Variants in PPFIA4 observed in about 807,000 individuals in gnomAD.
PPFIA4 encodes the protein PPFI scaffold protein A4, also known as liprin-alpha-4.
Under a neutral mutation model 145.7 loss-of-function variants are expected in PPFIA4, and 98 were observed. The ratio of observed to expected loss-of-function variants is 0.67; its 90% CI spans 0.57 to 0.80. The LOEUF (loss-of-function observed/expected upper bound fraction) is 0.80, where lower values mean the gene tolerates loss of function less well. Ranked by LOEUF, PPFIA4 falls within the 30% of genes least tolerant of loss-of-function variation. The pLI is 0.00. For missense variants in PPFIA4, 1,457 were observed against 1,632.7 expected (o/e 0.89, Z 1.85); for synonymous variants, 628 against 649.6 (o/e 0.97, Z 0.51).
At chr1:203,061,510 T>C in intron 23 of PPFIA4, 142 bp from the exon 24 acceptor site, 5 of 834,634 alleles carry the variant, frequency 6.0e-6, no homozygotes, top group Non-Finnish European at 9.1e-6. Flanking sequence ...TGTTCTCTCT[T>C]AACCATCCTG....
At chr1:203,061,436 G>C in intron 23 of PPFIA4, 1 of 531,242 alleles carries the variant, frequency 1.9e-6, no homozygotes, top group Non-Finnish European at 3.3e-6. Context: ...TGGGAGGTGT[G>C]TGTTTTTGCC....
At chr1:203,064,809 C>G (rs899374317) in intron 25 of PPFIA4, among the ~76,000 whole-genome samples, 3 of 152,348 alleles carry the variant, frequency 2.0e-5, no homozygotes, top group East Asian at 1.9e-4. Flanking sequence ...TCCCAGCCCC[C>G]CAGCCTGCTT....
Position 203,075,580 on chromosome 1 carries a change from G to C in PPFIA4, c.3397G>C (p.Asp1133His). Reference sequence around the variant, plus strand: ...TCTGGTGTCCCCCATGGTGCAGGGGGATGACAAGGTGTTTCGCCGCGCGCC... The same window carrying C: ...TCTGGTGTCCCCCATGGTGCAGGGGCATGACAAGGTGTTTCGCCGCGCGCC... ...LGTDRKLDDG[D>H]DKVFRRAPSW... The change falls in exon 29 of 30, where the codon GAT (aspartate) becomes CAT (histidine). Residue 1133 changes from aspartate (D) to histidine (H), a missense_variant. Around this residue, in one of 3 missense-constraint regions of PPFIA4, gnomAD observed 146 missense variants for 126.2 expected, o/e 1.16. Coordinates refer to ENST00000295706, the MANE Select transcript of PPFIA4 (RefSeq NM_001304331.2). This position sits in a 1 kb window ranked among gnomAD's most constrained non-coding sequence, Gnocchi z 4.1. 1 of 1,457,522 alleles carries C rather than the reference G, an allele frequency of 6.9e-7. No individual in the cohort carries two copies. Among genetic ancestry groups the C allele is most frequent in the Non-Finnish European group, 9.1e-7 (1 of 1,102,240 alleles). 90.3% of individuals were successfully genotyped at this position (1,457,522 alleles called of 1,614,324 possible). A position where few individuals can be genotyped will look rare whatever the true frequency, so the allele number is the denominator to read the frequency against.
chr1:203,076,611 T>C lies in PPFIA4; in HGVS notation c.*221T>C. On this transcript the variant is annotated 3_prime_UTR_variant, in exon 30 of 30. Transcript: ENST00000295706. ...TCCGGTGGATGTGGCTGGGGTTTCC[T>C]GGTATTGTGGAGGCACCCAGGTTGT... 1.7e-6 allele frequency: 1 copy of C among 582,822 alleles called. No individual in the cohort carries two copies. Among genetic ancestry groups the C allele is most frequent in the African/African-American group, 1.9e-5 (1 of 53,468 alleles). 36.1% of individuals were successfully genotyped at this position (582,822 alleles called of 1,614,324 possible). A position where few individuals can be genotyped will look rare whatever the true frequency, so the allele number is the denominator to read the frequency against.
chr1:203,037,887 G>C (rs995388073), intron 1 of PPFIA4, among the ~76,000 whole-genome samples: 1 of 152,190 alleles, frequency 6.6e-6, no homozygotes. Context: ...AAGGTAGGAG[G>C]CTGTGAACTC....
chr1:203,027,975 A>C (rs915077879), intron 1 of PPFIA4, among the ~76,000 whole-genome samples: 3 of 152,238 alleles, frequency 2.0e-5, no homozygotes, highest in Non-Finnish European at 4.4e-5. Context: ...CCTAAGCAAA[A>C]GGGCAGCTTG....
chr1:203,048,246 A>G lies in PPFIA4; in HGVS notation c.1160A>G (p.Asn387Ser). 1 of 1,612,836 alleles carries G rather than the reference A, an allele frequency of 6.2e-7. No homozygotes were observed. The highest frequency in any genetic ancestry group is 8.5e-7 in the Non-Finnish European group (1 of 1,179,854). The change falls in exon 10 of 30, where the codon AAC (asparagine) becomes AGC (serine). Residue 387 changes from asparagine to serine, a missense_variant. Physicochemically the swap from Asn to Ser is conservative, Grantham distance 46. This residue lies in a region of PPFIA4 where 848 missense variants were observed against 1,046.7 expected (regional missense o/e 0.81). Transcript: ENST00000295706. The surrounding 1 kb of genome is among the most constrained non-coding windows in gnomAD (Gnocchi z 5.8). Reference sequence around the variant, plus strand: ...CCCTAGGCTGAAGAACGGCATGGCAACATTGAGGAGCACCTGCGGCAGCTG... The same window carrying G: ...CCCTAGGCTGAAGAACGGCATGGCAGCATTGAGGAGCACCTGCGGCAGCTG... ...ALTKAEERHG[N>S]IEEHLRQLEG...
Position 203,068,502 on chromosome 1 carries a change from T to C in PPFIA4, c.3198T>C (p.Ile1066=), listed in dbSNP as rs765493892. 5.6e-6 allele frequency: 9 copies of C among 1,609,498 alleles called. No individual in the cohort carries two copies. The highest frequency in any genetic ancestry group is 7.6e-6 in the Non-Finnish European group (9 of 1,178,010). ...NDQVVHWVQS[I]GLRDYAGNLH... The stretch of plus-strand genomic sequence containing the variant: ...AGGTGGTTCATTGGGTCCAGTCTAT[T>C]GGGCTCCGGGACTACGCAGGAAACC... The change falls in exon 27 of 30, where the codon ATT becomes ATC. Residue 1066 remains isoleucine (I), a synonymous_variant. Transcript: ENST00000295706. This position sits in a 1 kb window ranked among gnomAD's most constrained non-coding sequence, Gnocchi z 4.7.
chr1:203,058,651 G>T (rs1291179462), intron 19 of PPFIA4, among the ~76,000 whole-genome samples: 4 of 152,152 alleles, frequency 2.6e-5, no homozygotes, highest in Non-Finnish European at 5.9e-5. Context: ...AATTCTGAAG[G>T]GTTCTAGCAT....
chr1:203,053,906 C>A lies in PPFIA4; in HGVS notation c.1774C>A (p.Gln592Lys). Reference sequence around the variant, plus strand: ...CTCCCCCAGCGGCCACTCAGATGCCCAGACCCTGGCCATGATGCTGCAGGA... The same window carrying A: ...CTCCCCCAGCGGCCACTCAGATGCCAAGACCCTGGCCATGATGCTGCAGGA... ...VVSPSGHSDA[Q>K]TLAMMLQEQL... Residue 592 changes from glutamine to lysine, a missense_variant, in exon 15 of 30, where the codon CAG (glutamine) becomes AAG (lysine). Transcript: ENST00000295706. The A allele has an allele frequency of 6.4e-7, 1 of 1,566,948 alleles. No homozygotes were observed. Among genetic ancestry groups the A allele is most frequent in the East Asian group, 2.4e-5 (1 of 42,142 alleles).
At chr1:203,027,553 G>A (rs1257715340) in intron 1 of PPFIA4, among the ~76,000 whole-genome samples, 1 of 152,170 alleles carries the variant, frequency 6.6e-6, no homozygotes, top group East Asian at 1.9e-4. Context: ...AGGAGGCGCT[G>A]CTTCGCAGGG....
intron 1 of PPFIA4, among the ~76,000 whole-genome samples, chr1:203,032,001 G>T (rs1201626961): frequency 3.3e-5 from 5 of 151,330 alleles, no homozygotes; most frequent in African/African-American, 1.2e-4. Context: ...CATTCCCAGG[G>T]TTGTCACTGT....
Position 203,043,517 on chromosome 1 carries a change from G to A in PPFIA4, c.336+19G>A, listed in dbSNP as rs1248931782. ...CACACGGGTAAGTGGGGATGACCTT[G>A]TGTCGCGCGCGCGCACGTGTGTGTG... On this transcript the variant is annotated intron_variant, in intron 3 of 29. Coordinates refer to ENST00000295706, the MANE Select transcript of PPFIA4 (RefSeq NM_001304331.2). The surrounding 1 kb of genome is among the most constrained non-coding windows in gnomAD (Gnocchi z 4.4). The A allele has an allele frequency of 6.3e-7, 1 of 1,593,972 alleles. No individual in the cohort carries two copies. The highest frequency in any genetic ancestry group is 8.6e-7 in the Non-Finnish European group (1 of 1,169,388).
In PPFIA4 at chr1:203,043,895, G is replaced by A. The variant is rs755674408; in HGVS notation, c.337-36G>A. The A allele has an allele frequency of 2.7e-5, 42 of 1,557,740 alleles. No individual in the cohort carries two copies. The highest frequency in any genetic ancestry group is 3.7e-5 in the Non-Finnish European group (42 of 1,150,354). On this transcript the variant is annotated intron_variant, in intron 3 of 29. Transcript: ENST00000295706. The surrounding 1 kb of genome is among the most constrained non-coding windows in gnomAD (Gnocchi z 4.4). The stretch of plus-strand genomic sequence containing the variant: ...GTAGCCCCTGGGGCACATGCTTACA[G>A]CCCTCCCTCTCACCCTCCCCTGCTC...
chr1:203,060,278 C>T lies in PPFIA4; in HGVS notation c.2645C>T (p.Ala882Val), dbSNP rs1661270688. Residue 882 changes from alanine (A) to valine (V), a missense_variant, in exon 22 of 30, where the codon GCC becomes GTC. Ala to Val is a moderately conservative substitution (Grantham distance 64, BLOSUM62 0). Transcript: ENST00000295706. This position sits in a 1 kb window ranked among gnomAD's most constrained non-coding sequence, Gnocchi z 4.8. Reference sequence around the variant, plus strand: ...TGCCGGGCCAACGTCAAGAGTGGTGCCATCATGTCCGCTCTGTCGGACACA... The same window carrying T: ...TGCCGGGCCAACGTCAAGAGTGGTGTCATCATGTCCGCTCTGTCGGACACA... Reference protein sequence around the residue: ...AACRANVKSGAIMSALSDTEI... With the variant: ...AACRANVKSGVIMSALSDTEI... The T allele has an allele frequency of 3.1e-6, 5 of 1,614,002 alleles. No individual in the cohort carries two copies. Among genetic ancestry groups the T allele is most frequent in the African/African-American group, 1.3e-5 (1 of 74,942 alleles).
intron 1 of PPFIA4, chr1:203,037,216 G>T: frequency 2.8e-6 from 1 of 354,112 alleles, no homozygotes; most frequent in Non-Finnish European, 5.9e-6. Flanking sequence ...GGAGAGGCCC[G>T]GCCCTTCTCT....
intron 1 of PPFIA4, chr1:203,035,519 A>T (rs1320163331): frequency 1.3e-5 from 6 of 455,536 alleles, no homozygotes; most frequent in African/African-American, 1.2e-4. Context: ...ACGCACACTC[A>T]CACCCACTCA....
chr1:203,038,291 G>C (rs1368847292), intron 1 of PPFIA4, among the ~76,000 whole-genome samples: 1 of 152,144 alleles, frequency 6.6e-6, no homozygotes, highest in African/African-American at 2.4e-5. Flanking sequence ...CATCCTGCCG[G>C]CTGCTCCCCT....
At position 203,053,967 on chromosome 1, in the gene PPFIA4, G is replaced by T; in HGVS notation, c.1829+6G>T. Reference sequence around the variant, plus strand: ...GCCATCAATGAGGAAATCAGGTTAGGGCAGGGCTGGAGGGCTTGGGAAGTG... The same window carrying T: ...GCCATCAATGAGGAAATCAGGTTAGTGCAGGGCTGGAGGGCTTGGGAAGTG... On this transcript the variant is annotated splice_donor_region_variant and intron_variant, in intron 15 of 29. Transcript: ENST00000295706. 1 of 1,558,634 alleles carries T rather than the reference G, an allele frequency of 6.4e-7. No homozygotes were observed.
Sources: allele counts gnomAD v4.1 joint callset (sites outside exome capture counted in the v4.1 genomes callset), GRCh38; gene constraint gnomAD v4.1.1; regional missense constraint gnomAD v4.1.1; non-coding constraint Gnocchi (gnomAD v3.1); transcripts MANE v1.5; gene names NCBI Gene and HGNC (gene_info 2026-07-23, HGNC 2026-07-21).